YTHDF1: variants seen among roughly 807,000 people sequenced by gnomAD.
YTHDF1 encodes the protein YTH domain-containing family protein 1.
YTHDF1 carries 16 observed loss-of-function variants against 49.1 expected under a neutral mutation model. The ratio of observed to expected loss-of-function variants is 0.33; its 90% CI spans 0.22 to 0.49. The LOEUF is 0.49. Ranked by LOEUF, YTHDF1 falls within the 20% of genes least tolerant of loss-of-function variation. The pLI, the probability that YTHDF1 is intolerant of heterozygous loss-of-function variation, is 0.99. For missense variants in YTHDF1, 621 were observed against 744.3 expected, an observed-to-expected ratio of 0.83 and a Z score of 1.93; for synonymous variants, 313 against 290.1, an observed-to-expected ratio of 1.08 and a Z score of -0.80.
chr20:63,199,200 C>T (rs2122971627), intron 4 of YTHDF1, among the ~76,000 whole-genome samples: 1 of 152,338 alleles, frequency 6.6e-6, no homozygotes, highest in East Asian at 1.9e-4. Flanking sequence ...CAACCCTCTC[C>T]TCGGCACACT....
chr20:63,201,043 T>TAA (rs780690604), intron 4 of YTHDF1, among the ~76,000 whole-genome samples: 15 of 140,736 alleles, frequency 1.1e-4, no homozygotes, highest in Non-Finnish European at 4.7e-5. Flanking sequence ...AAACTCCATT[T>TAA]AAAAAAAAAA....
intron 2 of YTHDF1, among the ~76,000 whole-genome samples, chr20:63,214,505 G>A (rs1453564192): frequency 6.6e-6 from 1 of 152,212 alleles, no homozygotes; most frequent in East Asian, 1.9e-4. Context: ...TTGACAACAT[G>A]TGCCCAAGGT....
chr20:63,204,007 T>G (rs1010555624), intron 3 of YTHDF1, among the ~76,000 whole-genome samples, 200 bp from the exon 4 acceptor site: 1 of 152,214 alleles, frequency 6.6e-6, no homozygotes, highest in Middle Eastern at 3.4e-3. Context: ...CAAACCAGGG[T>G]GCCGTCTCAA....
intron 3 of YTHDF1, among the ~76,000 whole-genome samples, chr20:63,206,100 G>A (rs933996509): frequency 3.9e-5 from 6 of 152,166 alleles, no homozygotes; most frequent in East Asian, 1.9e-4. Flanking sequence ...CTTCAAGGAC[G>A]GCAGGCAAGG....
At chr20:63,215,663 G>A in intron 1 of YTHDF1, 62 bp from the exon 2 acceptor site, 3 of 1,560,384 alleles carry the variant, frequency 1.9e-6, no homozygotes, top group South Asian at 1.2e-5. Flanking sequence ...GAAACACAAA[G>A]TTATTCACCA....
Position 63,203,259 on chromosome 20 carries a change from T to G in YTHDF1, c.681A>C (p.Pro227=). 2 of 1,613,954 alleles carry G rather than the reference T, an allele frequency of 1.2e-6. No individual in the cohort carries two copies. Among genetic ancestry groups the G allele is most frequent in the Non-Finnish European group, 1.7e-6 (2 of 1,180,046 alleles). ...SGNGGTNVNM[P]VSKPTSWAAI... The stretch of plus-strand genomic sequence containing the variant: ...CAGCCCACGAGGTCGGCTTTGAAAC[T>G]GGCATGTTCACATTTGTCCCACCGT... Residue 227 remains proline, a synonymous_variant, in exon 4 of 5, where the codon CCA becomes CCC. Transcript: ENST00000370339. This position sits in a 1 kb window ranked among gnomAD's most constrained non-coding sequence, Gnocchi z 4.4.
rs2066597234 is a variant in YTHDF1, at chr20:63,215,502, C to A, written c.52+75G>T. On this transcript the variant is annotated intron_variant, in intron 2 of 4. Coordinates refer to ENST00000370339, the MANE Select transcript of YTHDF1 (RefSeq NM_017798.4). The stretch of plus-strand genomic sequence containing the variant: ...AAGAGAGAAAGTTTCCGGTTCCAGA[C>A]GCAGCTTCCTGGACCGTTCCTTCCC... 3.8e-6 allele frequency: 6 copies of A among 1,599,270 alleles called. No individual in the cohort carries two copies. In the Admixed American group the frequency reaches 1.0e-4, roughly 27 times the overall value.
chr20:63,211,913 T>C (rs778824297), intron 3 of YTHDF1, among the ~76,000 whole-genome samples: 1 of 151,088 alleles, frequency 6.6e-6, no homozygotes, highest in African/African-American at 2.4e-5. Flanking sequence ...GCTATAATCA[T>C]GCCCCTGAAC....
chr20:63,215,254 CTG>C (rs1239556614), intron 2 of YTHDF1, among the ~76,000 whole-genome samples: 2 of 152,208 alleles, frequency 1.3e-5, no homozygotes, highest in Admixed American at 6.5e-5. Context: ...GCAGCCCCTG[CTG>C]GGCGGAAAAA....
rs367861922 is a variant in YTHDF1, at chr20:63,201,364, T to C, written c.1653+923A>G. 5.0e-4 allele frequency among the ~76,000 whole-genome samples: 76 copies of C among 152,286 alleles called. No homozygotes were observed. In the South Asian group the frequency reaches 0.014, roughly 28 times the overall value. On this transcript the variant is annotated intron_variant, in intron 4 of 4. Coordinates refer to ENST00000370339, the MANE Select transcript of YTHDF1 (RefSeq NM_017798.4). ...CACTGAAAACCCATCTATTATCAAC[T>C]GACATTTCAGGAAGGGATATTTTTT...
At chr20:63,207,482 C>CCACA (rs2066552954) in intron 3 of YTHDF1, among the ~76,000 whole-genome samples, 1 of 149,092 alleles carries the variant, frequency 6.7e-6, no homozygotes, top group Non-Finnish European at 1.5e-5. Flanking sequence ...CACCCCCCTC[C>CCACA]AAAAAAAAGA....
Position 63,203,827 on chromosome 20 carries a change from A to C in YTHDF1, c.133-20T>G. 1 of 1,577,872 alleles carries C rather than the reference A, an allele frequency of 6.3e-7. No individual in the cohort carries two copies. Among genetic ancestry groups the C allele is most frequent in the Non-Finnish European group, 8.6e-7 (1 of 1,156,264 alleles). On this transcript the variant is annotated intron_variant, in intron 3 of 4. Coordinates refer to ENST00000370339, the MANE Select transcript of YTHDF1 (RefSeq NM_017798.4). The surrounding 1 kb of genome is among the most constrained non-coding windows in gnomAD (Gnocchi z 4.4). ...GTTACTCTGCAAAAGCAAACGTGAC[A>C]AGTTACACCACTTCTACAACACGAG...
chr20:63,198,028 A>T (rs2066500360), intron 4 of YTHDF1, among the ~76,000 whole-genome samples: 1 of 152,156 alleles, frequency 6.6e-6, no homozygotes, highest in African/African-American at 2.4e-5. Context: ...GGACCTGGAT[A>T]GGCAGGTCCT....
rs746455610 is a variant in YTHDF1 at position 63,203,556 on chromosome 20, C to T, written c.384G>A (p.Ala128=). Reference sequence around the variant, plus strand: ...ACCCACTTGTCCCCCATGCTGAGAACGCAGGGTTTTCAGGGAAAAAATTGA... The same window carrying T: ...ACCCACTTGTCCCCCATGCTGAGAATGCAGGGTTTTCAGGGAAAAAATTGA... ...HRFNFFPENP[A]FSAWGTSGSQ... is the part of the protein sequence containing the mutation. The change falls in exon 4 of 5, where the codon GCG becomes GCA. Residue 128 remains alanine, a synonymous_variant. Coordinates refer to ENST00000370339, the MANE Select transcript of YTHDF1 (RefSeq NM_017798.4). This position sits in a 1 kb window ranked among gnomAD's most constrained non-coding sequence, Gnocchi z 4.4. The T allele has an allele frequency of 6.6e-5, 107 of 1,613,980 alleles. No individual in the cohort carries two copies. The South Asian group carries it at 8.2e-4, about 12-fold the overall frequency.
intron 3 of YTHDF1, among the ~76,000 whole-genome samples, chr20:63,206,122 C>G (rs887134527): frequency 3.9e-5 from 6 of 152,244 alleles, no homozygotes; most frequent in Non-Finnish European, 8.8e-5. Context: ...GACAGTCCCC[C>G]CCACAGGGAA....
chr20:63,200,767 G>A (rs1209843674), intron 4 of YTHDF1, among the ~76,000 whole-genome samples: 3 of 152,134 alleles, frequency 2.0e-5, no homozygotes, highest in South Asian at 4.1e-4. Context: ...CAAGTATTAC[G>A]GTATTTAAGA....
intron 2 of YTHDF1, 49 bp from the exon 3 acceptor site, chr20:63,213,992 T>C: frequency 6.4e-7 from 1 of 1,556,940 alleles, no homozygotes; most frequent in East Asian, 2.3e-5. Context: ...AAAAGATTAC[T>C]TTTAAGCTTG....
At chr20:63,215,043 C>G (rs1262862994) in intron 2 of YTHDF1, among the ~76,000 whole-genome samples, 1 of 152,204 alleles carries the variant, frequency 6.6e-6, no homozygotes, top group Non-Finnish European at 1.5e-5. Flanking sequence ...TTTGGTTACA[C>G]CTGAGCTGAC....
In YTHDF1 at chr20:63,202,901, C is replaced by G; in HGVS notation, c.1039G>C (p.Asp347His). 1.2e-6 allele frequency: 2 copies of G among 1,613,950 alleles called. No individual in the cohort carries two copies. Among genetic ancestry groups the G allele is most frequent in the South Asian group, 2.2e-5 (2 of 91,084 alleles). ...TGGACGTTTCCAGGAGAGTTGCTATCGCTGCCAGCCCCTCCGCTCTGCCCA... is the reference window on the plus strand; with the variant it reads ...TGGACGTTTCCAGGAGAGTTGCTATGGCTGCCAGCCCCTCCGCTCTGCCCA... ...AFGQSGGAGSDSNSPGNVQPN... is the reference protein window; with the variant it reads ...AFGQSGGAGSHSNSPGNVQPN... Residue 347 changes from aspartate (D) to histidine (H), a missense_variant, in exon 4 of 5, where the codon GAT (aspartate) becomes CAT (histidine). By Grantham distance (81) the Asp-to-His change is moderately conservative. Coordinates refer to ENST00000370339, the MANE Select transcript of YTHDF1 (RefSeq NM_017798.4).
Sources: allele counts gnomAD v4.1 joint callset (sites outside exome capture counted in the v4.1 genomes callset), GRCh38; gene constraint gnomAD v4.1.1; non-coding constraint Gnocchi (gnomAD v3.1); transcripts MANE v1.5; gene names NCBI Gene and HGNC (gene_info 2026-07-23, HGNC 2026-07-21).